Variants in ATAD2B observed in about 807,000 individuals in gnomAD.
ATAD2B encodes ATPase family AAA domain-containing protein 2B.
A neutral mutation model predicts 167.6 loss-of-function variants in ATAD2B; 40 were observed. That is an observed-to-expected ratio of 0.24 (90% CI 0.19 to 0.31). The LOEUF (loss-of-function observed/expected upper bound fraction) is 0.31. Among genes scored for constraint, ATAD2B ranks in the 10% least tolerant of loss-of-function variants. ATAD2B has a pLI of 1.00. For missense variants in ATAD2B, 1,242 were observed against 1,757.2 expected (o/e 0.71, Z 5.24); for synonymous variants, 579 against 596.5 (o/e 0.97, Z 0.43).
chr2:23,920,796 A>G (rs1226838284), intron 1 of ATAD2B, among the ~76,000 whole-genome samples: 2 of 152,174 alleles, frequency 1.3e-5, no homozygotes, highest in African/African-American at 4.8e-5. Flanking sequence ...TTTTATCCAA[A>G]AATTCCCAAT....
chr2:23,883,870 G>A (rs929147560), intron 6 of ATAD2B, among the ~76,000 whole-genome samples: 5 of 152,164 alleles, frequency 3.3e-5, no homozygotes, highest in Non-Finnish European at 5.9e-5. Context: ...CAGGCCGGGT[G>A]CAGTGGCTCA....
chr2:23,828,766 C>T, intron 15 of ATAD2B, 83 bp downstream of exon 15: 1 of 831,638 alleles, frequency 1.2e-6, no homozygotes, highest in South Asian at 1.6e-5. Context: ...CATAACTATG[C>T]TCATTCACAT....
chr2:23,858,246 G>A (rs549211790), intron 12 of ATAD2B, among the ~76,000 whole-genome samples: 16 of 151,692 alleles, frequency 1.1e-4, no homozygotes, highest in African/African-American at 3.6e-4. Flanking sequence ...TCAGCCTCCC[G>A]AGTAGCTGGG....
chr2:23,856,536 T>TG, intron 13 of ATAD2B: 1 of 251,956 alleles, frequency 4.0e-6, no homozygotes, highest in Non-Finnish European at 8.7e-6. Context: ...GGAATACTCC[T>TG]GGGGAGTGAA....
At chr2:23,892,757 A>T (rs960540127) in intron 2 of ATAD2B, among the ~76,000 whole-genome samples, 10 of 152,222 alleles carry the variant, frequency 6.6e-5, no homozygotes, top group Non-Finnish European at 1.2e-4. Flanking sequence ...GGCGTGAGCC[A>T]CCACACCCAG....
intron 10 of ATAD2B, 86 bp from the exon 11 acceptor site, chr2:23,865,010 C>A: frequency 1.4e-6 from 1 of 712,538 alleles, no homozygotes; most frequent in South Asian, 2.3e-5. Flanking sequence ...TCTTACGATT[C>A]AGAAATACAT....
chr2:23,736,739 TGA>T, the ATAD2B span, among the ~76,000 whole-genome samples: 2 of 152,068 alleles, frequency 1.3e-5, no homozygotes, highest in African/African-American at 4.8e-5. Flanking sequence ...CGAAGCAGGG[TGA>T]GACACCACCT....
At chr2:23,691,441 T>C in the ATAD2B span, 2 of 583,482 alleles carry the variant, frequency 3.4e-6, no homozygotes, top group East Asian at 2.9e-5. Flanking sequence ...TTTTTTTGCA[T>C]GGACATGCCG....
At chr2:23,709,876 C>T in the ATAD2B span, among the ~76,000 whole-genome samples, 1 of 152,238 alleles carries the variant, frequency 6.6e-6, no homozygotes, top group Non-Finnish European at 1.5e-5. Context: ...CTGTCTACCT[C>T]ATTTCCCTAA....
At chr2:23,781,750 TTG>T (rs1257217886) in intron 22 of ATAD2B, among the ~76,000 whole-genome samples, 2 of 151,842 alleles carry the variant, frequency 1.3e-5, no homozygotes, top group Non-Finnish European at 2.9e-5. Context: ...TTTTTTTTTC[TTG>T]TCTTTCCTTT....
At chr2:23,872,537 T>C in intron 8 of ATAD2B, 1 of 922,198 alleles carries the variant, frequency 1.1e-6, no homozygotes, top group Non-Finnish European at 1.8e-6. Context: ...GCTTTGAGAG[T>C]CCTTCAGACT....
downstream of ATAD2B, among the ~76,000 whole-genome samples, chr2:23,747,128 ATCCTGCACTGCTTCAAAT>A (rs1674929787): frequency 6.6e-6 from 1 of 152,088 alleles, no homozygotes; most frequent in Non-Finnish European, 1.5e-5. Context: ...CATCTACTGA[ATCCTGCACTGCTTCAAAT>A]TCCTATAGGG....
the ATAD2B span, among the ~76,000 whole-genome samples, chr2:23,713,621 G>A: frequency 2.0e-5 from 3 of 151,978 alleles, no homozygotes; most frequent in Non-Finnish European, 2.9e-5. Flanking sequence ...TTCTGTCTCT[G>A]TGGATTGCCT....
the ATAD2B span, among the ~76,000 whole-genome samples, chr2:23,678,840 TA>T: frequency 6.6e-6 from 1 of 152,128 alleles, no homozygotes; most frequent in African/African-American, 2.4e-5. Flanking sequence ...ATTCCACTTA[TA>T]AGAGGGTCTA....
intron 13 of ATAD2B, among the ~76,000 whole-genome samples, chr2:23,855,469 A>G (rs1001844661): frequency 6.6e-6 from 1 of 152,222 alleles, no homozygotes; most frequent in African/African-American, 2.4e-5. Context: ...GATGAGGAAC[A>G]ACTCAAATTA....
At chr2:23,831,608 T>C (rs1689084737) in intron 14 of ATAD2B, among the ~76,000 whole-genome samples, 1 of 152,102 alleles carries the variant, frequency 6.6e-6, no homozygotes. Flanking sequence ...CTGAGAAAAC[T>C]GAAGCAATCA....
At chr2:23,827,120 T>C (rs1688373779) in intron 15 of ATAD2B, among the ~76,000 whole-genome samples, 1 of 152,022 alleles carries the variant, frequency 6.6e-6, no homozygotes, top group South Asian at 2.1e-4. Flanking sequence ...TCAGATGGAA[T>C]GAATGTCATA....
chr2:23,746,443 A>G (rs1420372419), downstream of ATAD2B, among the ~76,000 whole-genome samples: 1 of 152,254 alleles, frequency 6.6e-6, no homozygotes, highest in Admixed American at 6.5e-5. Context: ...TAAACGTGAT[A>G]TAAGTATGTT....
the ATAD2B span, among the ~76,000 whole-genome samples, chr2:23,682,427 C>T: frequency 3.0e-3 from 454 of 152,304 alleles, 2 homozygotes; most frequent in Middle Eastern, 0.031. This position sits in a 1 kb window ranked among gnomAD's most constrained non-coding sequence, Gnocchi z 4.1. Flanking sequence ...CTCTGCACGG[C>T]GCTATCTTGC....
Sources: allele counts gnomAD v4.1 joint callset (sites outside exome capture counted in the v4.1 genomes callset), GRCh38; gene constraint gnomAD v4.1.1; non-coding constraint Gnocchi (gnomAD v3.1); transcripts MANE v1.5; gene names NCBI Gene and HGNC (gene_info 2026-07-23, HGNC 2026-07-21).